Variants in TNIP3 observed in about 807,000 individuals in gnomAD.
TNIP3 encodes the protein TNFAIP3 interacting protein 3.
In TNIP3, 34 loss-of-function variants were observed where a neutral mutation model predicts 54.1. That is an observed-to-expected ratio of 0.63 (90% confidence interval 0.48 to 0.84). TNIP3 has a LOEUF of 0.84. Among genes scored for constraint, TNIP3 ranks in the 40% least tolerant of loss-of-function variants. The pLI is 0.00. For synonymous variants in TNIP3, 134 were observed against 136.8 expected (o/e 0.98, Z 0.14); for missense variants, 366 against 387.6 (o/e 0.94, Z 0.47).
intron 5 of TNIP3, 54 bp downstream of exon 5, chr4:121,154,497 T>C: frequency 1.9e-6 from 3 of 1,604,892 alleles, no homozygotes; most frequent in Non-Finnish European, 2.5e-6. Context: ...TCAGTAAGAA[T>C]GTTTTATGCA....
chr4:121,140,698 C>T (rs1560636519), intron 9 of TNIP3, among the ~76,000 whole-genome samples: 1 of 151,912 alleles, frequency 6.6e-6, no homozygotes, highest in Non-Finnish European at 1.5e-5. Context: ...TCTGAGTTGA[C>T]TTCTACATTC....
intron 3 of TNIP3, among the ~76,000 whole-genome samples, chr4:121,177,984 G>A (rs72913751): frequency 6.6e-6 from 1 of 152,288 alleles, no homozygotes; most frequent in African/African-American, 2.4e-5. Context: ...TTACCCGGGG[G>A]AGAGAATCAA....
intron 10 of TNIP3, among the ~76,000 whole-genome samples, chr4:121,137,272 A>G (rs1218968204): frequency 2.0e-5 from 3 of 152,200 alleles, no homozygotes; most frequent in African/African-American, 7.2e-5. Flanking sequence ...TTGGGTAGCA[A>G]TTCTGTTATT....
intron 2 of TNIP3, among the ~76,000 whole-genome samples, chr4:121,203,733 T>G (rs1726028382): frequency 6.6e-6 from 1 of 151,996 alleles, no homozygotes; most frequent in African/African-American, 2.4e-5. Context: ...TATTTTACAT[T>G]ATAGAAATAC....
At chr4:121,158,609 T>C (rs1730254208) in intron 3 of TNIP3, 78 bp downstream of exon 3, 1 of 1,158,906 alleles carries the variant, frequency 8.6e-7, no homozygotes, top group South Asian at 1.3e-5. Flanking sequence ...GTAGCTGAAA[T>C]GAATGAGACT....
chr4:121,180,484 A>G (rs550662816), intron 3 of TNIP3, among the ~76,000 whole-genome samples: 85 of 152,236 alleles, frequency 5.6e-4, no homozygotes, highest in Non-Finnish European at 1.1e-3. Context: ...AAATAAAAAG[A>G]CAAGTGAAAA....
chr4:121,168,321 C>A (rs1273982812), upstream of TNIP3, among the ~76,000 whole-genome samples: 2 of 152,104 alleles, frequency 1.3e-5, no homozygotes, highest in Admixed American at 6.5e-5. Flanking sequence ...ATTCTCCTGC[C>A]TCAGCCTCCC....
chr4:121,132,587 A>T lies in TNIP3; in HGVS notation c.*44T>A. 1 of 1,594,872 alleles carries T rather than the reference A, an allele frequency of 6.3e-7. No homozygotes were observed. Among genetic ancestry groups the T allele is most frequent in the Non-Finnish European group, 8.6e-7 (1 of 1,163,222 alleles). On this transcript the variant is annotated 3_prime_UTR_variant, in exon 11 of 11. Transcript: ENST00000057513. The stretch of plus-strand genomic sequence containing the variant: ...TAAACAAAGAAGAGGGTCCTCAGCC[A>T]CGCTCCCTCGTTGCCTGTTGTCTCT...
intron 1 of TNIP3, among the ~76,000 whole-genome samples, chr4:121,222,793 GT>G (rs1284725705): frequency 4.8e-5 from 6 of 124,900 alleles, no homozygotes; most frequent in Non-Finnish European, 1.0e-4. Flanking sequence ...AGCTGAGGGT[GT>G]TTTTTGTGCG....
chr4:121,162,027 G>A (rs1282791410), intron 1 of TNIP3, among the ~76,000 whole-genome samples: 1 of 152,086 alleles, frequency 6.6e-6, no homozygotes, highest in Non-Finnish European at 1.5e-5. Context: ...CAATTTATTG[G>A]ATGATGAGAG....
At chr4:121,204,834 A>C (rs1388976912) in intron 2 of TNIP3, among the ~76,000 whole-genome samples, 17 of 152,178 alleles carry the variant, frequency 1.1e-4, no homozygotes, top group Admixed American at 1.1e-3. Flanking sequence ...TATGTGTAAG[A>C]ATTCTTATTT....
intron 2 of TNIP3, among the ~76,000 whole-genome samples, chr4:121,210,743 AG>A (rs1726436315): frequency 6.6e-6 from 1 of 152,106 alleles, no homozygotes; most frequent in Non-Finnish European, 1.5e-5. Flanking sequence ...TCTTTTTATA[AG>A]GGCACTAATC....
chr4:121,161,554 A>G (rs1324900125), intron 1 of TNIP3, among the ~76,000 whole-genome samples: 1 of 152,238 alleles, frequency 6.6e-6, no homozygotes, highest in Non-Finnish European at 1.5e-5. Flanking sequence ...ACAATTCAGA[A>G]ATCAGGTAAG....
chr4:121,141,891 G>T lies in TNIP3; in HGVS notation c.810C>A (p.Cys270Ter). ...GATCTTGCAGGTGGAAAACCAAGCC[G>T]CAGTTACAGGGTGGGCAATACATCT... ...LKQMYCPPCN[C>*]GLVFHLQDPW... Residue 270 changes from cysteine (C) to a stop codon, truncating the protein, a stop_gained, in exon 9 of 11, where the codon TGC (cysteine) becomes TGA (stop). Coordinates refer to ENST00000057513, the MANE Select transcript of TNIP3 (RefSeq NM_024873.6). LOFTEE classifies it high-confidence loss of function. 1.3e-6 allele frequency: 2 copies of T among 1,598,170 alleles called. No homozygotes were observed. The highest frequency in any genetic ancestry group is 1.7e-6 in the Non-Finnish European group (2 of 1,172,384).
chr4:121,214,511 G>A (rs1043868428), intron 2 of TNIP3, among the ~76,000 whole-genome samples: 1 of 152,188 alleles, frequency 6.6e-6, no homozygotes, highest in African/African-American at 2.4e-5. Context: ...TCTCCATGTA[G>A]AAGGAAATGG....
upstream of TNIP3, among the ~76,000 whole-genome samples, chr4:121,167,416 G>GGGTA (rs1730825252): frequency 6.6e-6 from 1 of 152,114 alleles, no homozygotes; most frequent in South Asian, 2.1e-4. Context: ...GGGCCTTGAA[G>GGGTA]GGTAGATAGG....
At chr4:121,169,874 C>T (rs1338439954) in intron 3 of TNIP3, among the ~76,000 whole-genome samples, 3 of 152,160 alleles carry the variant, frequency 2.0e-5, no homozygotes, top group Admixed American at 6.5e-5. Flanking sequence ...TGCGATATAG[C>T]GAGGTTGTTT....
intron 2 of TNIP3, among the ~76,000 whole-genome samples, chr4:121,203,084 C>T: frequency 6.6e-6 from 1 of 151,758 alleles, no homozygotes; most frequent in East Asian, 1.9e-4. Flanking sequence ...GGATATCTAC[C>T]CAGAGGAAAG....
intron 6 of TNIP3, among the ~76,000 whole-genome samples, chr4:121,148,991 G>A (rs1362881081): frequency 6.6e-6 from 1 of 152,132 alleles, no homozygotes; most frequent in Non-Finnish European, 1.5e-5. Context: ...TATGTATCCT[G>A]TATTTATCAT....
Sources: allele counts gnomAD v4.1 joint callset (sites outside exome capture counted in the v4.1 genomes callset), GRCh38; gene constraint gnomAD v4.1.1; transcripts MANE v1.5; gene names NCBI Gene and HGNC (gene_info 2026-07-23, HGNC 2026-07-21).